The following COL6A5 variants were observed in gnomAD, a reference collection of about 807,000 sequenced individuals.
The protein encoded by COL6A5 is collagen type VI alpha 5 chain.
COL6A5 carries 48 observed loss-of-function variants against 65.6 expected under a neutral mutation model. The observed-to-expected ratio is 0.73, with a 90% CI of 0.58 to 0.93. The LOEUF is 0.93. Ranked by LOEUF, COL6A5 falls within the 40% of genes least tolerant of loss-of-function variation. The pLI, the probability that COL6A5 is intolerant of heterozygous loss-of-function variation, is 0.00. For missense variants in COL6A5, 914 were observed against 928.3 expected, an observed-to-expected ratio of 0.98 and a Z score of 0.20; for synonymous variants, 291 against 322.8, an observed-to-expected ratio of 0.90 and a Z score of 1.05.
intron 1 of COL6A5, among the ~76,000 whole-genome samples, chr3:130,436,852 A>C (rs1709047016): frequency 3.9e-5 from 6 of 152,000 alleles, no homozygotes; most frequent in Admixed American, 3.3e-4. Flanking sequence ...ATCCTTATGC[A>C]ATCTCTTGAC....
exon 3 of COL6A5, chr3:130,376,810 A>T: frequency 6.2e-7 from 1 of 1,612,986 alleles, no homozygotes; most frequent in Non-Finnish European, 8.5e-7. Context: ...AAGTATAAGG[A>T]GGGAGCCGTC....
intron 24 of COL6A5, among the ~76,000 whole-genome samples, chr3:130,417,928 T>C (rs192197077): frequency 2.0e-5 from 3 of 152,208 alleles, no homozygotes; most frequent in East Asian, 3.9e-4. Flanking sequence ...AACTTTAAGG[T>C]AGTTACAAGA....
At chr3:130,441,924 C>G (rs1469357493) in intron 3 of COL6A5, among the ~76,000 whole-genome samples, 1 of 152,172 alleles carries the variant, frequency 6.6e-6, no homozygotes, top group African/African-American at 2.4e-5. Flanking sequence ...GTAAACTTGG[C>G]TGGAATTAAT....
exon 3 of COL6A5, chr3:130,440,785 T>C (rs758375966): frequency 1.2e-6 from 2 of 1,612,882 alleles, no homozygotes; most frequent in South Asian, 2.2e-5. Flanking sequence ...ATCTGAATTA[T>C]ATTGCGAAGT....
At chr3:130,379,661 A>G in exon 4 of COL6A5, 1 of 1,551,444 alleles carries the variant, frequency 6.4e-7, no homozygotes, top group African/African-American at 1.4e-5. Flanking sequence ...CAAATCAAGA[A>G]TCTTTCTATC....
intron 4 of COL6A5, among the ~76,000 whole-genome samples, chr3:130,450,589 T>C (rs1022150181): frequency 2.0e-5 from 3 of 152,178 alleles, no homozygotes; most frequent in East Asian, 1.9e-4. Context: ...AATTTTGTCG[T>C]TGGACAGAAC....
At chr3:130,434,133 A>G (rs1174045014) in intron 1 of COL6A5, among the ~76,000 whole-genome samples, 1 of 151,924 alleles carries the variant, frequency 6.6e-6, no homozygotes. Flanking sequence ...GTTCCCTCTC[A>G]GTGTCCATGT....
At chr3:130,438,520 A>G (rs946038794) in intron 1 of COL6A5, among the ~76,000 whole-genome samples, 6 of 152,244 alleles carry the variant, frequency 3.9e-5, no homozygotes, top group Non-Finnish European at 7.3e-5. Context: ...GTCAAATACA[A>G]AATAACACCC....
chr3:130,375,264 C>T (rs1935722257), intron 2 of COL6A5, among the ~76,000 whole-genome samples: 1 of 152,138 alleles, frequency 6.6e-6, no homozygotes, highest in Admixed American at 6.5e-5. Flanking sequence ...TGCCTACAAC[C>T]TTCTGCTCCT....
rs144227881 is a variant in COL6A5, at chr3:130,348,707, C to A, written c.-29+2726C>A. Among the ~76,000 whole-genome samples the A allele has an allele frequency of 2.4e-3, 359 of 152,294 alleles. 11 individuals carry two copies. In the East Asian group the frequency reaches 0.054, roughly 23 times the overall value. On this transcript the variant is annotated intron_variant and NMD_transcript_variant, in intron 1 of 41. Coordinates refer to the COL6A5 transcript ENST00000312481. ...CTTGAGGAATCGCCATACTGTCTTC[C>A]ACAATGGTTGAACTAATTTATACTC...
At chr3:130,351,962 G>T (rs1457414297) in intron 1 of COL6A5, among the ~76,000 whole-genome samples, 1 of 152,134 alleles carries the variant, frequency 6.6e-6, no homozygotes, top group African/African-American at 2.4e-5. Flanking sequence ...ATACACCATG[G>T]AATACTATGC....
intron 1 of COL6A5, among the ~76,000 whole-genome samples, chr3:130,439,319 T>C (rs749641212): frequency 6.8e-6 from 1 of 147,370 alleles, no homozygotes; most frequent in Admixed American, 7.0e-5. Context: ...TTTTGTGTTA[T>C]GTTTGGGATA....
At chr3:130,438,627 C>T (rs1213550906) in intron 1 of COL6A5, among the ~76,000 whole-genome samples, 1 of 152,166 alleles carries the variant, frequency 6.6e-6, no homozygotes, top group Non-Finnish European at 1.5e-5. Flanking sequence ...AATGTTGATT[C>T]AGCACTTTAC....
At chr3:130,473,200 G>A (rs1577544208) in intron 7 of COL6A5, among the ~76,000 whole-genome samples, 1 of 151,952 alleles carries the variant, frequency 6.6e-6, no homozygotes, top group African/African-American at 2.4e-5. Flanking sequence ...AATTCTGGAT[G>A]AAATACAAAA....
At chr3:130,360,619 T>A (rs1364412145) in intron 1 of COL6A5, among the ~76,000 whole-genome samples, 1 of 152,256 alleles carries the variant, frequency 6.6e-6, no homozygotes, top group East Asian at 1.9e-4. Context: ...TGACATTGAT[T>A]AACATTGCTT....
At chr3:130,382,823 C>T (rs892935381) in intron 4 of COL6A5, among the ~76,000 whole-genome samples, 3 of 152,020 alleles carry the variant, frequency 2.0e-5, no homozygotes, top group African/African-American at 4.8e-5. Flanking sequence ...CAAACTCAAG[C>T]GACTGATGTA....
chr3:130,376,526 G>T, exon 3 of COL6A5: 2 of 1,605,958 alleles, frequency 1.2e-6, no homozygotes, highest in Non-Finnish European at 1.7e-6. Flanking sequence ...AGGCTCATAG[G>T]ACCTACTTCT....
In COL6A5 at chr3:130,465,644, CAAG is replaced by C. The variant is rs573390963; in HGVS notation, c.1545-3148_1545-3146del. 3.6e-3 allele frequency among the ~76,000 whole-genome samples: 550 copies of C among 152,118 alleles called. 5 individuals carry two copies. The highest frequency in any genetic ancestry group is 4.8e-3 in the Non-Finnish European group (328 of 67,954). ...CCAGAACTAAGCACATGGATATTTA[CAAG>C]AATACAAAAGTATTTCACACTTAAC... On this transcript the variant is annotated intron_variant, in intron 5 of 7. Coordinates refer to ENST00000512836, the Ensembl canonical transcript of COL6A5.
At chr3:130,385,640 A>T (rs1936159865) in intron 5 of COL6A5, among the ~76,000 whole-genome samples, 1 of 151,974 alleles carries the variant, frequency 6.6e-6, no homozygotes, top group African/African-American at 2.4e-5. Flanking sequence ...ACTGCTGTGG[A>T]GTGAGAGAGA....
Sources: allele counts gnomAD v4.1 joint callset (sites outside exome capture counted in the v4.1 genomes callset), GRCh38; gene constraint gnomAD v4.1.1; transcripts MANE v1.5; gene names NCBI Gene and HGNC (gene_info 2026-07-23, HGNC 2026-07-21).